SLC16A12: variants seen among roughly 807,000 people sequenced by gnomAD.
The protein encoded by SLC16A12 is monocarboxylate transporter 12.
SLC16A12 carries 17 observed loss-of-function variants against 42.4 expected under a neutral mutation model. The observed-to-expected ratio is 0.40, with a 90% CI of 0.27 to 0.60. The LOEUF (loss-of-function observed/expected upper bound fraction) is 0.60. SLC16A12 is among the 20% of genes least tolerant of loss of function. SLC16A12 has a pLI of 0.42. For synonymous variants in SLC16A12, 224 were observed against 229.4 expected, an observed-to-expected ratio of 0.98 and a Z score of 0.21; for missense variants, 544 against 623.0, an observed-to-expected ratio of 0.87 and a Z score of 1.35.
chr10:89,430,457 C>A lies in SLC16A12; in HGVS notation c.*2607G>T, dbSNP rs1841678062. On this transcript the variant is annotated 3_prime_UTR_variant, in exon 8 of 8. Coordinates refer to ENST00000371790, the MANE Select transcript of SLC16A12 (RefSeq NM_213606.4). ...CTTCTGATTTTCTACTCAGATAATTCCAAAGTAGAGCTTACAGTAGTAGAA... is the reference window on the plus strand; with the variant it reads ...CTTCTGATTTTCTACTCAGATAATTACAAAGTAGAGCTTACAGTAGTAGAA... 2 of 341,422 alleles carry A rather than the reference C, an allele frequency of 5.9e-6. No homozygotes were observed. The highest frequency in any genetic ancestry group is 1.1e-5 in the Non-Finnish European group (2 of 174,658). 21.1% of individuals were successfully genotyped at this position (341,422 alleles called of 1,614,324 possible). A position where few individuals can be genotyped will look rare whatever the true frequency, so the allele number is the denominator to read the frequency against.
intron 2 of SLC16A12, among the ~76,000 whole-genome samples, chr10:89,519,732 G>C (rs1031625424): frequency 2.0e-5 from 3 of 151,976 alleles, no homozygotes; most frequent in African/African-American, 4.8e-5. Flanking sequence ...GTCATTGCAG[G>C]GGGTGGGGGG....
chr10:89,514,703 T>C (rs989042385), intron 2 of SLC16A12, among the ~76,000 whole-genome samples: 2 of 152,172 alleles, frequency 1.3e-5, no homozygotes, highest in African/African-American at 4.8e-5. Context: ...GTGACAATGT[T>C]TCCTCAATGT....
chr10:89,459,803 T>G (rs1009748498), intron 3 of SLC16A12, among the ~76,000 whole-genome samples: 4 of 152,044 alleles, frequency 2.6e-5, no homozygotes, highest in Admixed American at 2.6e-4. Context: ...TAGCTGGGTG[T>G]GGTGGCACGC....
At chr10:89,514,165 G>A (rs1027488953) in intron 2 of SLC16A12, among the ~76,000 whole-genome samples, 5 of 152,230 alleles carry the variant, frequency 3.3e-5, no homozygotes, top group Non-Finnish European at 7.3e-5. Context: ...CGCCTTCACT[G>A]GTCTACAGAC....
intron 2 of SLC16A12, among the ~76,000 whole-genome samples, chr10:89,525,575 TCCGGTAAAATAATTTTAAC>T (rs1345219303): frequency 5.9e-5 from 9 of 152,196 alleles, no homozygotes; most frequent in African/African-American, 2.2e-4. Context: ...ACTTCAATTA[TCCGGTAAAATAATTTTAAC>T]AAGTATCTTA....
At chr10:89,528,161 A>G (rs1435788328) in intron 2 of SLC16A12, among the ~76,000 whole-genome samples, 1 of 152,180 alleles carries the variant, frequency 6.6e-6, no homozygotes, top group Non-Finnish European at 1.5e-5. Flanking sequence ...TGATAAGGCC[A>G]CTGCACTCCA....
chr10:89,455,599 G>T (rs1589672451), intron 3 of SLC16A12, among the ~76,000 whole-genome samples: 1 of 152,274 alleles, frequency 6.6e-6, no homozygotes, highest in East Asian at 1.9e-4. Context: ...TTTTTGAGTA[G>T]TAGTTTCATG....
chr10:89,489,112 G>C (rs1842808580), intron 2 of SLC16A12, among the ~76,000 whole-genome samples: 1 of 151,994 alleles, frequency 6.6e-6, no homozygotes, highest in Admixed American at 6.6e-5. Context: ...TGTTTTCACG[G>C]CTCAATCATT....
At chr10:89,539,861 CT>C (rs1414958255), upstream of SLC16A12, among the ~76,000 whole-genome samples, 6 of 117,826 alleles carry the variant, frequency 5.1e-5, no homozygotes, top group South Asian at 1.3e-3. Flanking sequence ...ACAAATTTTT[CT>C]TTCTTTCTTT....
At chr10:89,448,972 CAGAG>C (rs750822337) in intron 3 of SLC16A12, among the ~76,000 whole-genome samples, 3 of 152,122 alleles carry the variant, frequency 2.0e-5, no homozygotes, top group Admixed American at 6.6e-5. Flanking sequence ...AACAGACAAA[CAGAG>C]AGCCAAATTA....
At chr10:89,537,512 A>G (rs772171291), upstream of SLC16A12, among the ~76,000 whole-genome samples, 2 of 152,256 alleles carry the variant, frequency 1.3e-5, no homozygotes, top group Non-Finnish European at 2.9e-5. Context: ...TAGTGAATAA[A>G]TGTTCAAAAC....
rs1295802200 is a variant in SLC16A12 at position 89,554,033 on chromosome 10, GAAGA to G, written c.-47+1845_-47+1848del. ...GAAAGAGAGAAAGAAAGAGAGAAAG[GAAGA>G]AAGAAAGAAAGAAAGAAAGAAAGAA... On this transcript the variant is annotated intron_variant, in intron 2 of 2. Coordinates refer to the SLC16A12 transcript ENST00000475682. Among the ~76,000 whole-genome samples, 234 of 67,540 alleles carry G rather than the reference GAAGA, an allele frequency of 3.5e-3. 4 individuals are homozygous for G. The highest frequency in any genetic ancestry group is 8.1e-3 in the African/African-American group (122 of 15,056). 44.3% of individuals were successfully genotyped at this position (67,540 alleles called of 152,430 possible). A position where few individuals can be genotyped will look rare whatever the true frequency, so the allele number is the denominator to read the frequency against.
At chr10:89,440,073 CAAAAAAAA>C (rs10674171) in intron 5 of SLC16A12, among the ~76,000 whole-genome samples, 5 of 31,452 alleles carry the variant, frequency 1.6e-4, no homozygotes, top group Admixed American at 4.7e-4. Context: ...GACCCTGTCT[CAAAAAAAA>C]AAAAAAAAAA....
chr10:89,543,028 G>A (rs559324664), intron 2 of SLC16A12, among the ~76,000 whole-genome samples: 13 of 152,072 alleles, frequency 8.5e-5, no homozygotes, highest in Non-Finnish European at 1.6e-4. Context: ...TTCTGCCTAC[G>A]GAGATCTAAC....
intron 2 of SLC16A12, among the ~76,000 whole-genome samples, chr10:89,525,027 G>A (rs544105086): frequency 6.6e-6 from 1 of 152,106 alleles, no homozygotes; most frequent in South Asian, 2.1e-4. Flanking sequence ...CGACCAGCCT[G>A]GGCAACATGG....
intron 2 of SLC16A12, among the ~76,000 whole-genome samples, chr10:89,473,782 T>C (rs1480975867): frequency 6.6e-6 from 1 of 152,166 alleles, no homozygotes; most frequent in Non-Finnish European, 1.5e-5. Context: ...ATCTACACAC[T>C]CACTCCTGTC....
chr10:89,471,903 T>G (rs1187003409), intron 2 of SLC16A12, among the ~76,000 whole-genome samples: 4 of 152,226 alleles, frequency 2.6e-5, no homozygotes, highest in Admixed American at 6.5e-5. Context: ...TTCATATAAT[T>G]ATTAACAATT....
At chr10:89,455,238 C>T (rs1040155227) in intron 3 of SLC16A12, among the ~76,000 whole-genome samples, 7 of 151,936 alleles carry the variant, frequency 4.6e-5, no homozygotes, top group Non-Finnish European at 8.8e-5. Flanking sequence ...AAAAGGGCCC[C>T]CAGATGATGA....
At chr10:89,457,003 C>A (rs1448199664) in intron 3 of SLC16A12, among the ~76,000 whole-genome samples, 1 of 152,118 alleles carries the variant, frequency 6.6e-6, no homozygotes, top group East Asian at 1.9e-4. Context: ...GTGAATAGGG[C>A]AGCACTGAAC....
Sources: allele counts gnomAD v4.1 joint callset (sites outside exome capture counted in the v4.1 genomes callset), GRCh38; gene constraint gnomAD v4.1.1; transcripts MANE v1.5; gene names NCBI Gene and HGNC (gene_info 2026-07-23, HGNC 2026-07-21).